Variants in SVIL observed in about 807,000 individuals in gnomAD.
SVIL encodes the protein archvillin.
In SVIL, 101 loss-of-function variants were observed where a neutral mutation model predicts 240.4. The observed-to-expected ratio is 0.42, with a 90% CI of 0.36 to 0.50. SVIL has a LOEUF of 0.50. Among genes scored for constraint, SVIL ranks in the 20% least tolerant of loss-of-function variants. The pLI is 0.01. For synonymous variants in SVIL, 999 were observed against 1,100.0 expected (o/e 0.91, Z 1.82); for missense variants, 2,512 against 2,818.7 (o/e 0.89, Z 2.46).
intron 1 of SVIL, among the ~76,000 whole-genome samples, chr10:29,601,062 C>A (rs760249560): frequency 2.7e-4 from 41 of 152,264 alleles, no homozygotes; most frequent in South Asian, 4.1e-4. Flanking sequence ...TATGTGCTGA[C>A]TTGAAAGGTT....
intron 1 of SVIL, among the ~76,000 whole-genome samples, chr10:29,570,419 A>T (rs988165393): frequency 6.6e-6 from 1 of 152,236 alleles, no homozygotes; most frequent in Non-Finnish European, 1.5e-5. Context: ...AGTTTCAAAT[A>T]TGATACTCAA....
intron 1 of SVIL, among the ~76,000 whole-genome samples, chr10:29,712,521 G>T (rs1165120920): frequency 6.6e-6 from 1 of 152,184 alleles, no homozygotes; most frequent in African/African-American, 2.4e-5. Context: ...AGCAGCCTGA[G>T]GCTTTCCCCA....
At chr10:29,624,848 A>T (rs1564713402) in intron 1 of SVIL, among the ~76,000 whole-genome samples, 1 of 152,214 alleles carries the variant, frequency 6.6e-6, no homozygotes, top group Non-Finnish European at 1.5e-5. Context: ...TTTCATGTGG[A>T]GAGCTACTGA....
chr10:29,615,669 C>T (rs1309149539), intron 1 of SVIL, among the ~76,000 whole-genome samples: 1 of 152,338 alleles, frequency 6.6e-6, no homozygotes, highest in Non-Finnish European at 1.5e-5. Flanking sequence ...TCTTTCTGCT[C>T]ATTCAAGTAT....
chr10:29,586,934 T>A (rs891965537), intron 1 of SVIL, among the ~76,000 whole-genome samples: 8 of 152,148 alleles, frequency 5.3e-5, no homozygotes, highest in African/African-American at 1.7e-4. Flanking sequence ...GAAAAATAAC[T>A]AATGGGTACT....
intron 1 of SVIL, among the ~76,000 whole-genome samples, chr10:29,626,832 G>C (rs929465575): frequency 6.6e-6 from 1 of 152,030 alleles, no homozygotes; most frequent in South Asian, 2.1e-4. Context: ...AGACCATCCT[G>C]GCTAATACGG....
At position 29,480,752 on chromosome 10, in the gene SVIL, G is replaced by A. The variant is rs372985459; in HGVS notation, c.5162C>T (p.Thr1721Met). The A allele has an allele frequency of 1.9e-5, 31 of 1,613,922 alleles. 1 individual carries two copies. The highest frequency in any genetic ancestry group is 8.3e-5 in the Admixed American group (5 of 60,004). The change falls in exon 29 of 38, where the codon ACG (threonine) becomes ATG (methionine). Residue 1721 changes from threonine to methionine, a missense_variant. Coordinates refer to ENST00000355867, the MANE Select transcript of SVIL (RefSeq NM_021738.3). ...TCCGTCCAGGATGGTGCCTGCTGTC[G>A]TCTGGGGCATGGACACCATCCGTGT... ...DVTRMVSMPQTTAGTILDGVN... is the reference protein window; with the variant it reads ...DVTRMVSMPQMTAGTILDGVN...
At chr10:29,601,797 C>T (rs1383416662) in intron 1 of SVIL, among the ~76,000 whole-genome samples, 3 of 152,246 alleles carry the variant, frequency 2.0e-5, no homozygotes, top group Non-Finnish European at 4.4e-5. Flanking sequence ...GTGCACTCCG[C>T]ACCATGCAGG....
intron 1 of SVIL, among the ~76,000 whole-genome samples, chr10:29,585,284 A>G (rs1167578713): frequency 6.6e-6 from 1 of 151,890 alleles, no homozygotes; most frequent in African/African-American, 2.4e-5. Flanking sequence ...TTGGTCTTGA[A>G]TTCCTGGGCT....
chr10:29,681,093 G>C (rs1013340370), intron 2 of SVIL, among the ~76,000 whole-genome samples: 2 of 152,116 alleles, frequency 1.3e-5, no homozygotes, highest in Non-Finnish European at 2.9e-5. Context: ...TGTGGAGGTG[G>C]GGCAGGAAGC....
intron 17 of SVIL, among the ~76,000 whole-genome samples, chr10:29,502,771 T>C (rs1260334669): frequency 6.6e-6 from 1 of 152,152 alleles, no homozygotes; most frequent in African/African-American, 2.4e-5. Flanking sequence ...TATTGGTAGG[T>C]CACAGCTTGA....
Position 29,518,317 on chromosome 10 carries a change from G to A in SVIL, c.3389+4093C>T, listed in dbSNP as rs541724844. Among the ~76,000 whole-genome samples, 253 of 152,150 alleles carry A rather than the reference G, an allele frequency of 1.7e-3. 13 individuals are homozygous for A. In the South Asian group the frequency reaches 0.05, roughly 30 times the overall value. The stretch of plus-strand genomic sequence containing the variant: ...GCAGGAGAATCGCTTGAACCCAGGA[G>A]GGGGAGGCTTCAGTGAGCCAAGATC... On this transcript the variant is annotated intron_variant, in intron 16 of 37. Transcript: ENST00000355867.
rs1949933946 is a variant in SVIL at position 29,512,771 on chromosome 10, C to T, written c.3480G>A (p.Leu1160=). 6.2e-7 allele frequency: 1 copy of T among 1,613,910 alleles called. No homozygotes were observed. The highest frequency in any genetic ancestry group is 1.1e-5 in the South Asian group (1 of 91,068). ...QEGGKAPASS[L]HTQEAGRSLI... is the part of the protein sequence containing the mutation. ...GGGACCGCCCTGCTTCCTGGGTGTG[C>T]AGGCTGCTGGCCGGCGCCTTGCCGC... Residue 1160 remains leucine (L), a synonymous_variant, in exon 17 of 38, where the codon CTG becomes CTA. Coordinates refer to ENST00000355867, the MANE Select transcript of SVIL (RefSeq NM_021738.3).
intron 29 of SVIL, among the ~76,000 whole-genome samples, chr10:29,477,384 T>C (rs527498802): frequency 6.6e-6 from 1 of 152,338 alleles, no homozygotes; most frequent in African/African-American, 2.4e-5. Context: ...CTCAGATCCC[T>C]GGGCACCTTG....
chr10:29,639,829 G>A (rs1188809211), upstream of SVIL, among the ~76,000 whole-genome samples: 1 of 152,128 alleles, frequency 6.6e-6, no homozygotes, highest in Non-Finnish European at 1.5e-5. Flanking sequence ...GAAGTGGAAT[G>A]GGCAGATGGA....
At position 29,526,974 on chromosome 10, in the gene SVIL, C is replaced by T. The variant is rs1199753853; in HGVS notation, c.2329G>A (p.Val777Met). Residue 777 changes from valine (V) to methionine (M), a missense_variant, in exon 13 of 38, where the codon GTG becomes ATG. This residue lies in a region of SVIL where 1,443 missense variants were observed against 1,486.6 expected (regional missense o/e 0.97). Coordinates refer to ENST00000355867, the MANE Select transcript of SVIL (RefSeq NM_021738.3). ...TCTGTCCAGTACCTGGCAGGCTGCACAGCGCTCCTAGCTACAGTGGGGCTA... is the reference window on the plus strand; with the variant it reads ...TCTGTCCAGTACCTGGCAGGCTGCATAGCGCTCCTAGCTACAGTGGGGCTA... ...LPSPTVARSAVQPARLQASAH... is the reference protein window; with the variant it reads ...LPSPTVARSAMQPARLQASAH... The T allele has an allele frequency of 4.4e-6, 7 of 1,603,664 alleles. No homozygotes were observed. The highest frequency in any genetic ancestry group is 1.1e-5 in the South Asian group (1 of 89,140).
chr10:29,509,138 G>GTT (rs1348702746), intron 17 of SVIL, among the ~76,000 whole-genome samples: 3 of 152,136 alleles, frequency 2.0e-5, no homozygotes. Flanking sequence ...ACACCGTGCA[G>GTT]ACCAGACCAA....
rs1041335885 is a variant in SVIL at position 29,644,395 on chromosome 10, C to G, written c.-201+13574G>C. 2.6e-5 allele frequency among the ~76,000 whole-genome samples: 4 copies of G among 152,144 alleles called. No individual in the cohort carries two copies. The East Asian group carries it at 5.8e-4, about 22-fold the overall frequency. On this transcript the variant is annotated intron_variant, in intron 3 of 35. Coordinates refer to the SVIL transcript ENST00000375400. ...GAGGAGCCTTCTCTGAGCATGTTCT[C>G]CCAGCCCCAAGGACCGAGAAACCCC...
At chr10:29,542,861 A>T (rs901339737) in intron 6 of SVIL, among the ~76,000 whole-genome samples, 4 of 152,142 alleles carry the variant, frequency 2.6e-5, no homozygotes, top group Admixed American at 2.0e-4. Flanking sequence ...GGGACTCCTC[A>T]TTTGGCTCAT....
Sources: allele counts gnomAD v4.1 joint callset (sites outside exome capture counted in the v4.1 genomes callset), GRCh38; gene constraint gnomAD v4.1.1; regional missense constraint gnomAD v4.1.1; transcripts MANE v1.5; gene names NCBI Gene and HGNC (gene_info 2026-07-23, HGNC 2026-07-21).